The following CTNNA3 variants were observed in gnomAD, a reference collection of about 807,000 sequenced individuals.
CTNNA3 encodes catenin alpha-3.
CTNNA3 carries 76 observed loss-of-function variants against 95.7 expected under a neutral mutation model. That is an observed-to-expected ratio of 0.79 (90% CI 0.66 to 0.96). CTNNA3 has a LOEUF of 0.96. Among genes scored for constraint, CTNNA3 ranks in the 40% least tolerant of loss-of-function variants. The pLI is 0.00. For synonymous variants in CTNNA3, 431 were observed against 374.4 expected, an observed-to-expected ratio of 1.15 and a Z score of -1.74; for missense variants, 1,191 against 1,089.8, an observed-to-expected ratio of 1.09 and a Z score of -1.31.
chr10:66,332,017 G>A (rs1323293599), intron 12 of CTNNA3, among the ~76,000 whole-genome samples: 1 of 151,864 alleles, frequency 6.6e-6, no homozygotes, highest in Admixed American at 6.6e-5. Context: ...ATTGTGAATG[G>A]GAGTTCACTC....
intron 15 of CTNNA3, among the ~76,000 whole-genome samples, chr10:66,065,949 C>T (rs752741453): frequency 5.9e-5 from 9 of 152,090 alleles, no homozygotes; most frequent in South Asian, 2.1e-4. Context: ...CCACAATCTC[C>T]GCATCCTGGG....
chr10:67,727,911 G>T (rs1166967006), intron 1 of CTNNA3, among the ~76,000 whole-genome samples: 4 of 105,434 alleles, frequency 3.8e-5, no homozygotes, highest in South Asian at 2.7e-4. Flanking sequence ...AATATATTAT[G>T]TATATTATAT....
At chr10:67,179,759 C>T (rs767772742) in intron 7 of CTNNA3, among the ~76,000 whole-genome samples, 11 of 152,042 alleles carry the variant, frequency 7.2e-5, no homozygotes, top group Middle Eastern at 3.4e-3. Context: ...CCCAGGAGTT[C>T]GAGGCTGCCA....
In CTNNA3 at chr10:67,166,489, G is replaced by A. The variant is rs374341030; in HGVS notation, c.1047+13828C>T. ...TTTAATTTTTAACCCGAGACTTAAA[G>A]AACATGAAAGATTTGCAGGGATTAA... On this transcript the variant is annotated intron_variant, in intron 7 of 17. Coordinates refer to ENST00000433211, the MANE Select transcript of CTNNA3 (RefSeq NM_013266.4). Among the ~76,000 whole-genome samples the A allele has an allele frequency of 1.1e-4, 16 of 152,086 alleles. No homozygotes were observed. In the South Asian group the frequency reaches 2.9e-3, roughly 28 times the overall value.
intron 5 of CTNNA3, among the ~76,000 whole-genome samples, chr10:67,281,496 GA>G (rs1256761184): frequency 2.0e-5 from 3 of 151,984 alleles, no homozygotes; most frequent in South Asian, 2.1e-4. Flanking sequence ...AATAAGTCAG[GA>G]AAAAAATGCA....
intron 7 of CTNNA3, among the ~76,000 whole-genome samples, chr10:66,834,630 T>C (rs1158992764): frequency 1.3e-5 from 2 of 152,178 alleles, no homozygotes; most frequent in African/African-American, 4.8e-5. Flanking sequence ...CTTTAAGAAA[T>C]GAAACAGTCA....
chr10:67,521,024 G>C (rs1220130731), intron 5 of CTNNA3, among the ~76,000 whole-genome samples: 1 of 152,170 alleles, frequency 6.6e-6, no homozygotes, highest in Non-Finnish European at 1.5e-5. Context: ...CCATCATGGA[G>C]CACATTACCG....
At chr10:67,631,267 A>C (rs1839134993) in intron 2 of CTNNA3, among the ~76,000 whole-genome samples, 1 of 152,152 alleles carries the variant, frequency 6.6e-6, no homozygotes, top group Non-Finnish European at 1.5e-5. Flanking sequence ...TATCCCTGCA[A>C]AATGACCCAA....
intron 9 of CTNNA3, among the ~76,000 whole-genome samples, chr10:66,665,801 T>C (rs1046232557): frequency 3.9e-5 from 6 of 152,202 alleles, no homozygotes; most frequent in Non-Finnish European, 8.8e-5. Context: ...ACACCTCTTT[T>C]GTTTTATAAA....
chr10:66,225,536 A>C (rs1190837919), intron 13 of CTNNA3, among the ~76,000 whole-genome samples: 1 of 151,146 alleles, frequency 6.6e-6, no homozygotes, highest in Non-Finnish European at 1.5e-5. Context: ...GTTATAATAA[A>C]TATGGGGATA....
intron 5 of CTNNA3, among the ~76,000 whole-genome samples, chr10:67,329,188 A>G (rs940982010): frequency 2.0e-5 from 3 of 152,190 alleles, no homozygotes; most frequent in African/African-American, 7.2e-5. Context: ...CCCGGACAAC[A>G]TGGGAAAACC....
chr10:66,926,792 A>T, intron 7 of CTNNA3: 1 of 969,558 alleles, frequency 1.0e-6, no homozygotes, highest in South Asian at 1.8e-5. Context: ...TTACAAAGAG[A>T]TAATATGTGA....
chr10:66,095,557 G>C (rs961700140), intron 14 of CTNNA3, among the ~76,000 whole-genome samples: 1 of 152,050 alleles, frequency 6.6e-6, no homozygotes, highest in Non-Finnish European at 1.5e-5. Flanking sequence ...ATTATGGCCT[G>C]TTAAAATGTT....
intron 15 of CTNNA3, among the ~76,000 whole-genome samples, chr10:66,000,585 T>C (rs2078751367): frequency 6.6e-6 from 1 of 152,176 alleles, no homozygotes; most frequent in African/African-American, 2.4e-5. Flanking sequence ...ACTTCCTCCT[T>C]AATCCTTTTT....
chr10:66,252,366 T>G (rs191839874), intron 13 of CTNNA3, among the ~76,000 whole-genome samples: 1 of 152,346 alleles, frequency 6.6e-6, no homozygotes, highest in East Asian at 1.9e-4. Flanking sequence ...TTAATCAACA[T>G]TTTCTTATAT....
At chr10:66,317,305 A>G (rs1481889791) in intron 12 of CTNNA3, among the ~76,000 whole-genome samples, 1 of 152,196 alleles carries the variant, frequency 6.6e-6, no homozygotes, top group Middle Eastern at 3.4e-3. Flanking sequence ...TGGTTAGTCA[A>G]GTTTTGCCAT....
chr10:67,450,744 C>T (rs1050546393), intron 5 of CTNNA3, among the ~76,000 whole-genome samples: 1 of 151,366 alleles, frequency 6.6e-6, no homozygotes, highest in Non-Finnish European at 1.5e-5. Context: ...ACAAATTTAC[C>T]TATATAAAAA....
At chr10:66,278,900 A>G (rs889182005) in intron 13 of CTNNA3, among the ~76,000 whole-genome samples, 1 of 152,044 alleles carries the variant, frequency 6.6e-6, no homozygotes, top group Admixed American at 6.6e-5. Flanking sequence ...TTACTAGTCC[A>G]CTAATCCACA....
chr10:67,096,102 T>C (rs749603094), intron 7 of CTNNA3, among the ~76,000 whole-genome samples: 9 of 151,866 alleles, frequency 5.9e-5, no homozygotes, highest in Non-Finnish European at 8.8e-5. Flanking sequence ...TTTCATTTAA[T>C]AAGCTGGATT....
Sources: gnomAD v4.1 joint callset for allele counts (sites outside exome capture counted in the v4.1 genomes callset) on GRCh38, gnomAD v4.1.1 for gene constraint, MANE v1.5 for transcripts, NCBI Gene and HGNC (gene_info 2026-07-23, HGNC 2026-07-21) for gene names.